Variants in TMEM178B observed in about 807,000 individuals in gnomAD.
TMEM178B encodes transmembrane protein 178B.
In TMEM178B, 5 loss-of-function variants were observed where a neutral mutation model predicts 31.0. The observed-to-expected ratio is 0.16, with a 90% CI of 0.08 to 0.34. The LOEUF (loss-of-function observed/expected upper bound fraction) is 0.34. Among genes scored for constraint, TMEM178B ranks in the 10% least tolerant of loss-of-function variants. The pLI, the probability that TMEM178B is intolerant of heterozygous loss-of-function variation, is 1.00. For synonymous variants in TMEM178B, 164 were observed against 164.0 expected (o/e 1.00, Z 0.00); for missense variants, 275 against 400.3 (o/e 0.69, Z 2.67).
At chr7:141,116,339 C>T (rs1430808741) in intron 1 of TMEM178B, among the ~76,000 whole-genome samples, 68 of 151,910 alleles carry the variant, frequency 4.5e-4, no homozygotes, top group Non-Finnish European at 5.9e-5. Context: ...GAAGGAAGCT[C>T]AGAGATGGAG....
At chr7:141,489,457 G>A in the TMEM178B span, among the ~76,000 whole-genome samples, 1 of 152,168 alleles carries the variant, frequency 6.6e-6, no homozygotes, top group South Asian at 2.1e-4. Context: ...TCATTAAAGT[G>A]CTGCTTTTCC....
chr7:141,176,160 A>G (rs1796430481), intron 1 of TMEM178B, among the ~76,000 whole-genome samples: 1 of 152,184 alleles, frequency 6.6e-6, no homozygotes, highest in Non-Finnish European at 1.5e-5. Flanking sequence ...GAGAGTTTTT[A>G]GCATGAAGGG....
At chr7:141,158,083 G>A (rs954422920) in intron 1 of TMEM178B, among the ~76,000 whole-genome samples, 5 of 152,136 alleles carry the variant, frequency 3.3e-5, no homozygotes, top group Non-Finnish European at 2.9e-5. Flanking sequence ...TTAAGCTTGT[G>A]TGGCCTCAGA....
At chr7:141,403,186 G>A (rs1450695488) in intron 2 of TMEM178B, among the ~76,000 whole-genome samples, 2 of 152,212 alleles carry the variant, frequency 1.3e-5, no homozygotes, top group Admixed American at 6.5e-5. Context: ...TCTCCGGAGA[G>A]GTCAGCGGGG....
intron 2 of TMEM178B, among the ~76,000 whole-genome samples, chr7:141,287,947 CT>C (rs1368161185): frequency 6.6e-6 from 1 of 152,220 alleles, no homozygotes; most frequent in African/African-American, 2.4e-5. Flanking sequence ...ATTATCTTCT[CT>C]GAGCAGTGGA....
Position 141,255,807 on chromosome 7 carries a change from G to C in TMEM178B, c.496+43103G>C, listed in dbSNP as rs577441260. 9.1e-4 allele frequency among the ~76,000 whole-genome samples: 138 copies of C among 152,042 alleles called. 1 individual carries two copies. Among genetic ancestry groups the C allele is most frequent in the Non-Finnish European group, 1.5e-3 (104 of 68,000 alleles). On this transcript the variant is annotated intron_variant, in intron 2 of 3. Transcript: ENST00000565468. ...TGGGCTCCAGCCATCCTCTCACCTT[G>C]GCCCCCCAAAGTGCTGGAATTACAG...
chr7:141,196,467 C>G (rs1796784837), intron 1 of TMEM178B, among the ~76,000 whole-genome samples: 1 of 152,166 alleles, frequency 6.6e-6, no homozygotes, highest in Admixed American at 6.5e-5. Context: ...TTTCCCCTGT[C>G]TTTACCAAGT....
At chr7:141,358,593 C>T (rs1799863422) in intron 2 of TMEM178B, among the ~76,000 whole-genome samples, 1 of 152,070 alleles carries the variant, frequency 6.6e-6, no homozygotes, top group East Asian at 1.9e-4. Flanking sequence ...CATGAAAACT[C>T]ATTACATAAA....
At chr7:141,259,910 T>C (rs888302022) in intron 2 of TMEM178B, among the ~76,000 whole-genome samples, 1 of 152,208 alleles carries the variant, frequency 6.6e-6, no homozygotes, top group African/African-American at 2.4e-5. Context: ...GTGTCTCCTC[T>C]GTCTGTGCAC....
chr7:141,270,173 G>A (rs553507924), intron 2 of TMEM178B, among the ~76,000 whole-genome samples: 1 of 152,190 alleles, frequency 6.6e-6, no homozygotes, highest in Admixed American at 6.5e-5. Context: ...AGACCTTTGA[G>A]GGAGCACCCT....
At chr7:141,211,857 T>C (rs1412302426) in intron 1 of TMEM178B, among the ~76,000 whole-genome samples, 1 of 152,156 alleles carries the variant, frequency 6.6e-6, no homozygotes, top group Non-Finnish European at 1.5e-5. Flanking sequence ...ACTCAGTAGG[T>C]CTGGGGTTGA....
chr7:141,074,110 C>A lies in TMEM178B; in HGVS notation c.-201C>A. ...GGAGCCCGCGGGAGCCTCTCCGGAT[C>A]AGAACTTTTTAGGCCGCCCGCCCCC... On this transcript the variant is annotated 5_prime_UTR_variant, in exon 1 of 4. Coordinates refer to ENST00000565468, the MANE Select transcript of TMEM178B (RefSeq NM_001195278.2). This position sits in a 1 kb window ranked among gnomAD's most constrained non-coding sequence, Gnocchi z 5.1. 1.4e-6 allele frequency: 1 copy of A among 702,410 alleles called. No homozygotes were observed. The highest frequency in any genetic ancestry group is 2.1e-6 in the Non-Finnish European group (1 of 481,192). The allele number at this position is 702,410 out of a possible 1,614,324, so 43.5% of individuals were successfully genotyped here. A position where few individuals can be genotyped will look rare whatever the true frequency, so the allele number is the denominator to read the frequency against.
intron 1 of TMEM178B, among the ~76,000 whole-genome samples, chr7:141,185,323 G>T (rs1427446503): frequency 1.3e-5 from 2 of 152,174 alleles, no homozygotes; most frequent in African/African-American, 4.8e-5. Context: ...GATCACACAT[G>T]GGCTTGGAGA....
intron 3 of TMEM178B, 108 bp downstream of exon 3, chr7:141,437,853 G>GAACCCCAGTCAC: frequency 7.0e-7 from 1 of 1,432,068 alleles, no homozygotes; most frequent in Non-Finnish European, 9.3e-7. Flanking sequence ...ACGTGACTGG[G>GAACCCCAGTCAC]GTTCTCATTC....
rs1794556110 is a variant in TMEM178B, at chr7:141,074,220, A to G, written c.-91A>G. ...GAGTCCCTCTCCTGCCCCCTCCCCC[A>G]GCTCGGCCGCCCGCCGCTTTGTTCC... On this transcript the variant is annotated 5_prime_UTR_variant, in exon 1 of 4. Transcript: ENST00000565468. This position sits in a 1 kb window ranked among gnomAD's most constrained non-coding sequence, Gnocchi z 5.1. 2.1e-6 allele frequency: 3 copies of G among 1,433,484 alleles called. No homozygotes were observed. The highest frequency in any genetic ancestry group is 2.5e-4 in the Middle Eastern group (1 of 4,032). 88.8% of individuals were successfully genotyped at this position (1,433,484 alleles called of 1,614,324 possible).
At chr7:141,187,739 T>A (rs1231720310) in intron 1 of TMEM178B, among the ~76,000 whole-genome samples, 2 of 152,256 alleles carry the variant, frequency 1.3e-5, no homozygotes, top group African/African-American at 4.8e-5. Flanking sequence ...ATAAATGTCT[T>A]CTTTTGAGAA....
chr7:141,376,556 C>T lies in TMEM178B; in HGVS notation c.497-61052C>T, dbSNP rs548761830. On this transcript the variant is annotated intron_variant, in intron 2 of 3. Coordinates refer to ENST00000565468, the MANE Select transcript of TMEM178B (RefSeq NM_001195278.2). ...ATGTCTTCTTGACAAACATGTTTAACATTAATCCATCAAAATTTTAGATAG... is the reference window on the plus strand; with the variant it reads ...ATGTCTTCTTGACAAACATGTTTAATATTAATCCATCAAAATTTTAGATAG... 5.9e-5 allele frequency among the ~76,000 whole-genome samples: 9 copies of T among 152,276 alleles called. No homozygotes were observed. In the East Asian group the frequency reaches 1.4e-3, roughly 23 times the overall value.
intron 3 of TMEM178B, among the ~76,000 whole-genome samples, chr7:141,459,910 T>C (rs1236592676): frequency 7.0e-6 from 1 of 142,248 alleles, no homozygotes; most frequent in Non-Finnish European, 1.5e-5. Context: ...TGAGTGGGAG[T>C]GAGCATAATT....
At chr7:141,333,620 G>C (rs1399159111) in intron 2 of TMEM178B, among the ~76,000 whole-genome samples, 1 of 152,216 alleles carries the variant, frequency 6.6e-6, no homozygotes, top group East Asian at 1.9e-4. Context: ...TGGAGGAGCA[G>C]CAGCACAGAC....
Sources: gnomAD v4.1 joint callset for allele counts (sites outside exome capture counted in the v4.1 genomes callset) on GRCh38, gnomAD v4.1.1 for gene constraint, Gnocchi (gnomAD v3.1) non-coding constraint, MANE v1.5 for transcripts, NCBI Gene and HGNC (gene_info 2026-07-23, HGNC 2026-07-21) for gene names.